The following C9orf85 variants were observed in gnomAD, a reference collection of about 807,000 sequenced individuals.
The protein encoded by C9orf85 is uncharacterized protein C9orf85.
C9orf85 carries 16 observed loss-of-function variants against 14.9 expected under a neutral mutation model. The observed-to-expected ratio is 1.08, with a 90% CI of 0.73 to 1.63. The LOEUF is 1.63. C9orf85 is among the 40% of genes most tolerant of loss of function. The pLI is 0.00. For synonymous variants in C9orf85, 45 were observed against 56.8 expected (o/e 0.79, Z 0.93); for missense variants, 172 against 186.1 (o/e 0.92, Z 0.44).
intron 2 of C9orf85, among the ~76,000 whole-genome samples, chr9:71,958,026 G>GT (rs1391371221): frequency 6.6e-6 from 1 of 151,944 alleles, no homozygotes; most frequent in African/African-American, 2.4e-5. Flanking sequence ...AGTGTAAAAG[G>GT]TTGAAACCAG....
intron 2 of C9orf85, among the ~76,000 whole-genome samples, chr9:71,969,051 G>A (rs952871146): frequency 5.3e-5 from 8 of 152,156 alleles, no homozygotes; most frequent in African/African-American, 9.7e-5. Context: ...TAGAACTGGC[G>A]GGAAGGTTGT....
chr9:71,975,508 A>C (rs1004889120), downstream of C9orf85, among the ~76,000 whole-genome samples: 2 of 151,610 alleles, frequency 1.3e-5, no homozygotes, highest in Admixed American at 6.6e-5. Flanking sequence ...TGAAAGTCTC[A>C]GTATTCTAAA....
chr9:71,963,091 T>C lies in C9orf85; in HGVS notation c.210-8414T>C, dbSNP rs1315607517. On this transcript the variant is annotated intron_variant, in intron 2 of 3. Coordinates refer to ENST00000334731, the MANE Select transcript of C9orf85 (RefSeq NM_182505.5). ...AAAGGTTGTGTTACTATGACAACAG[T>C]GTCATAAAAAAATCTTAAGCGTTTT... is the stretch of plus-strand genomic sequence containing the variant. Among the ~76,000 whole-genome samples the C allele has an allele frequency of 2.0e-5, 3 of 152,130 alleles. No individual in the cohort carries two copies. The East Asian group carries it at 5.8e-4, about 29-fold the overall frequency.
intron 1 of C9orf85, among the ~76,000 whole-genome samples, chr9:71,924,433 T>A (rs1827886005): frequency 6.6e-6 from 1 of 152,254 alleles, no homozygotes; most frequent in African/African-American, 2.4e-5. Context: ...CTTTTGTTTT[T>A]GCAGAGTCTT....
At chr9:71,953,808 G>A (rs1160214561) in intron 2 of C9orf85, among the ~76,000 whole-genome samples, 3 of 152,104 alleles carry the variant, frequency 2.0e-5, no homozygotes, top group Non-Finnish European at 2.9e-5. Flanking sequence ...AAAAAAAAGT[G>A]GGGGAGGGAG....
At chr9:71,919,645 T>C (rs1827742576) in intron 1 of C9orf85, among the ~76,000 whole-genome samples, 2 of 152,182 alleles carry the variant, frequency 1.3e-5, no homozygotes, top group South Asian at 4.1e-4. Flanking sequence ...TACATAATAT[T>C]ATACCTAATA....
At chr9:71,975,118 C>T (rs904549400), downstream of C9orf85, among the ~76,000 whole-genome samples, 1 of 152,104 alleles carries the variant, frequency 6.6e-6, no homozygotes, top group African/African-American at 2.4e-5. Context: ...TATTCAAGAA[C>T]TCTGTCAACA....
At chr9:71,968,143 G>A (rs928801576) in intron 2 of C9orf85, among the ~76,000 whole-genome samples, 10 of 151,618 alleles carry the variant, frequency 6.6e-5, no homozygotes, top group Admixed American at 1.3e-4. Context: ...ATGAGCATGC[G>A]AGAGAGTGAG....
intron 1 of C9orf85, among the ~76,000 whole-genome samples, chr9:71,942,302 A>C (rs545868697): frequency 6.6e-6 from 1 of 152,370 alleles, no homozygotes; most frequent in East Asian, 1.9e-4. Flanking sequence ...AGGAAAGATG[A>C]AACTTTGCAC....
rs139917344 is a variant in C9orf85, at chr9:71,965,645, C to G, written c.210-5860C>G. Among the ~76,000 whole-genome samples the G allele has an allele frequency of 6.4e-4, 97 of 152,234 alleles. No individual in the cohort carries two copies. In the East Asian group the frequency reaches 0.018, roughly 28 times the overall value. ...ATGGGGTCTCTCTATGTTGCCCAGG[C>G]TGTTCTCTAACTCCTGGGCTCAGGC... On this transcript the variant is annotated intron_variant, in intron 2 of 3. Transcript: ENST00000334731.
chr9:71,913,557 C>A (rs758613759), intron 1 of C9orf85, among the ~76,000 whole-genome samples: 3 of 152,182 alleles, frequency 2.0e-5, no homozygotes, highest in Admixed American at 6.5e-5. Context: ...CCTGAAGCAA[C>A]ATTTGGGAAG....
chr9:71,963,908 G>T (rs1822604316), intron 2 of C9orf85, among the ~76,000 whole-genome samples: 1 of 152,184 alleles, frequency 6.6e-6, no homozygotes, highest in African/African-American at 2.4e-5. Context: ...AACCACCCAA[G>T]GGCTGAGGAG....
intron 2 of C9orf85, among the ~76,000 whole-genome samples, chr9:71,954,012 C>T (rs571316580): frequency 3.3e-5 from 5 of 151,114 alleles, no homozygotes; most frequent in African/African-American, 1.2e-4. Flanking sequence ...AGGCAGGAGA[C>T]TGAGGCTGGA....
Position 71,911,817 on chromosome 9 carries a change from A to G in C9orf85, c.83A>G (p.Asp28Gly). Reference sequence around the variant, plus strand: ...TTTAGCTTCAAAAATGACAAGTTCGATAAAAGTGTGCAGACCAAGGTAGGA... The same window carrying G: ...TTTAGCTTCAAAAATGACAAGTTCGGTAAAAGTGTGCAGACCAAGGTAGGA... ...NTFSFKNDKF[D>G]KSVQTKKINA... Residue 28 changes from aspartate (D) to glycine (G), a missense_variant, in exon 1 of 4, where the codon GAT becomes GGT. Physicochemically the swap from Asp to Gly is moderately conservative, Grantham distance 94. Coordinates refer to ENST00000334731, the MANE Select transcript of C9orf85 (RefSeq NM_182505.5). 6.2e-7 allele frequency: 1 copy of G among 1,614,170 alleles called. No individual in the cohort carries two copies. Among genetic ancestry groups the G allele is most frequent in the Non-Finnish European group, 8.5e-7 (1 of 1,180,012 alleles).
intron 1 of C9orf85, among the ~76,000 whole-genome samples, chr9:71,925,611 G>C (rs1827912478): frequency 6.6e-6 from 1 of 152,100 alleles, no homozygotes; most frequent in Non-Finnish European, 1.5e-5. Flanking sequence ...ACTCTCTTGG[G>C]AAAAAATATA....
chr9:71,964,351 A>G (rs892436501), intron 2 of C9orf85, among the ~76,000 whole-genome samples: 3 of 152,164 alleles, frequency 2.0e-5, no homozygotes, highest in Middle Eastern at 3.4e-3. Flanking sequence ...GTCCCCTTCC[A>G]CACTGTGGAA....
chr9:71,946,938 CT>C, intron 1 of C9orf85, 67 bp from the exon 2 acceptor site: 5 of 1,056,964 alleles, frequency 4.7e-6, no homozygotes, highest in Non-Finnish European at 5.7e-6. Context: ...CTCATACACT[CT>C]TTTATGGGAT....
intron 1 of C9orf85, among the ~76,000 whole-genome samples, chr9:71,937,313 A>C (rs891685611): frequency 1.3e-5 from 2 of 152,104 alleles, no homozygotes; most frequent in African/African-American, 4.8e-5. Flanking sequence ...GTCAGTGAAA[A>C]TCTCGGTAGT....
intron 2 of C9orf85, among the ~76,000 whole-genome samples, chr9:71,962,971 A>C (rs779389846): frequency 6.6e-4 from 100 of 152,100 alleles, no homozygotes; most frequent in Middle Eastern, 3.4e-3. Flanking sequence ...CACGATAATC[A>C]CTTGAACCCG....
Sources: allele counts gnomAD v4.1 joint callset (sites outside exome capture counted in the v4.1 genomes callset), GRCh38; gene constraint gnomAD v4.1.1; transcripts MANE v1.5; gene names NCBI Gene and HGNC (gene_info 2026-07-23, HGNC 2026-07-21).